SLC24A2: variants seen among roughly 807,000 people sequenced by gnomAD.
SLC24A2 encodes sodium/potassium/calcium exchanger 2.
SLC24A2 carries 36 observed loss-of-function variants against 62.0 expected under a neutral mutation model. The observed-to-expected ratio is 0.58, with a 90% confidence interval of 0.44 to 0.77. SLC24A2 has a LOEUF of 0.77. SLC24A2 is among the 30% of genes least tolerant of loss of function. The probability of loss-of-function intolerance (pLI) is 0.00; values close to 1 mark genes in which losing one functional copy is unlikely to be tolerated. For synonymous variants in SLC24A2, 358 were observed against 294.0 expected, an observed-to-expected ratio of 1.22 and a Z score of -2.23; for missense variants, 846 against 817.9, an observed-to-expected ratio of 1.03 and a Z score of -0.42.
intron 2 of SLC24A2, among the ~76,000 whole-genome samples, chr9:19,701,467 G>A (rs1358381842): frequency 6.6e-6 from 1 of 152,200 alleles, no homozygotes; most frequent in East Asian, 1.9e-4. Context: ...TTGGGTGGAA[G>A]AACTCTGAGC....
At chr9:19,523,300 C>A (rs908378756) in intron 9 of SLC24A2, among the ~76,000 whole-genome samples, 1 of 152,138 alleles carries the variant, frequency 6.6e-6, no homozygotes, top group Non-Finnish European at 1.5e-5. Context: ...GCTTGCCACT[C>A]CTAGTGCAAG....
At chr9:19,836,212 G>A in the SLC24A2 span, among the ~76,000 whole-genome samples, 2 of 152,062 alleles carry the variant, frequency 1.3e-5, no homozygotes. Flanking sequence ...CAGAAGGCAA[G>A]AAATAACTAA....
At chr9:19,828,369 G>A in the SLC24A2 span, among the ~76,000 whole-genome samples, 5 of 152,060 alleles carry the variant, frequency 3.3e-5, no homozygotes, top group Non-Finnish European at 5.9e-5. Flanking sequence ...TACACATTGT[G>A]TGCCTGTATC....
the SLC24A2 span, among the ~76,000 whole-genome samples, chr9:19,998,251 C>A: frequency 2.6e-5 from 4 of 152,084 alleles, no homozygotes; most frequent in Non-Finnish European, 4.4e-5. Context: ...TCTGAGTGTG[C>A]CCCTCTTCAG....
chr9:20,281,225 C>A, the SLC24A2 span, among the ~76,000 whole-genome samples: 1 of 152,260 alleles, frequency 6.6e-6, no homozygotes, highest in East Asian at 1.9e-4. Context: ...CCACCATGCC[C>A]AGCCCAAGCA....
At chr9:20,278,526 G>T in the SLC24A2 span, among the ~76,000 whole-genome samples, 1 of 152,144 alleles carries the variant, frequency 6.6e-6, no homozygotes, top group Non-Finnish European at 1.5e-5. Context: ...CTTTGCTAAA[G>T]CACAACAAGA....
intron 1 of SLC24A2, among the ~76,000 whole-genome samples, chr9:19,787,736 A>T (rs1033824748): frequency 3.3e-5 from 5 of 150,944 alleles, no homozygotes; most frequent in East Asian, 1.9e-4. Context: ...TATTTTTTTT[A>T]AAAAAACAAC....
the SLC24A2 span, among the ~76,000 whole-genome samples, chr9:20,134,700 T>C: frequency 1.2e-4 from 18 of 152,316 alleles, no homozygotes; most frequent in Admixed American, 9.8e-4. Flanking sequence ...GCTGGAACTA[T>C]ATTTTAATTA....
chr9:19,684,101 G>T (rs1022213359), intron 2 of SLC24A2, among the ~76,000 whole-genome samples: 1 of 152,182 alleles, frequency 6.6e-6, no homozygotes, highest in African/African-American at 2.4e-5. Context: ...AGGGGACCAG[G>T]CAGCAGGAAC....
At chr9:19,712,816 C>A (rs553764837) in intron 2 of SLC24A2, among the ~76,000 whole-genome samples, 9 of 152,256 alleles carry the variant, frequency 5.9e-5, no homozygotes, top group Admixed American at 1.3e-4. Flanking sequence ...GCTACAGGGA[C>A]CTGCCCTCTG....
At chr9:20,288,741 C>CAAAAA in the SLC24A2 span, among the ~76,000 whole-genome samples, 2 of 79,280 alleles carry the variant, frequency 2.5e-5, no homozygotes, top group Non-Finnish European at 6.5e-5. Flanking sequence ...GACTCTGTCT[C>CAAAAA]AAAAAAAAAA....
the SLC24A2 span, among the ~76,000 whole-genome samples, chr9:19,903,075 T>C: frequency 7.9e-5 from 12 of 151,968 alleles, no homozygotes; most frequent in Non-Finnish European, 1.0e-4. Context: ...TTTCAATTTC[T>C]TTAACTCCCA....
the SLC24A2 span, among the ~76,000 whole-genome samples, chr9:20,232,698 G>A: frequency 4.3e-4 from 65 of 152,092 alleles, no homozygotes; most frequent in African/African-American, 1.3e-3. Flanking sequence ...TCCTGGATTC[G>A]TTAATTTTTT....
the SLC24A2 span, among the ~76,000 whole-genome samples, chr9:19,914,966 G>C: frequency 6.6e-6 from 1 of 152,034 alleles, no homozygotes; most frequent in Non-Finnish European, 1.5e-5. Flanking sequence ...TGATATAAAA[G>C]TCACCATTTT....
chr9:19,558,212 C>A (rs1287661390), intron 7 of SLC24A2, among the ~76,000 whole-genome samples: 1 of 152,090 alleles, frequency 6.6e-6, no homozygotes, highest in Admixed American at 6.6e-5. Context: ...GAAGGGCAGA[C>A]CTGGGGGTGT....
intron 7 of SLC24A2, among the ~76,000 whole-genome samples, chr9:19,556,018 T>C (rs1197092099): frequency 2.0e-5 from 3 of 152,210 alleles, no homozygotes; most frequent in African/African-American, 7.2e-5. Context: ...AACTGCCTTC[T>C]AGGACTCTTA....
intron 7 of SLC24A2, among the ~76,000 whole-genome samples, chr9:19,563,106 T>C (rs951577580): frequency 6.6e-6 from 1 of 152,024 alleles, no homozygotes; most frequent in Non-Finnish European, 1.5e-5. Context: ...ACCCCAACTC[T>C]AAAAAAATAA....
intron 2 of SLC24A2, among the ~76,000 whole-genome samples, chr9:19,664,827 A>G (rs1819202429): frequency 6.6e-6 from 1 of 152,222 alleles, no homozygotes; most frequent in African/African-American, 2.4e-5. Flanking sequence ...AGCAACTCCC[A>G]GAAGCTAGGA....
chr9:20,253,785 G>A, the SLC24A2 span, among the ~76,000 whole-genome samples: 1 of 152,162 alleles, frequency 6.6e-6, no homozygotes, highest in African/African-American at 2.4e-5. Context: ...AGGAGAGAGT[G>A]ACACAGTCAG....
Sources: allele counts gnomAD v4.1 joint callset (sites outside exome capture counted in the v4.1 genomes callset), GRCh38; gene constraint gnomAD v4.1.1; transcripts MANE v1.5; gene names NCBI Gene and HGNC (gene_info 2026-07-23, HGNC 2026-07-21).